The following TJP1 variants were observed in gnomAD, a reference collection of about 807,000 sequenced individuals.
TJP1 encodes tight junction protein 1.
TJP1 carries 43 observed loss-of-function variants against 194.2 expected under a neutral mutation model. That is an observed-to-expected ratio of 0.22 (90% CI 0.17 to 0.29). TJP1 has a LOEUF of 0.29. TJP1 is among the 10% of genes least tolerant of loss of function. The pLI, the probability that TJP1 is intolerant of heterozygous loss-of-function variation, is 1.00. For missense variants in TJP1, 1,971 were observed against 2,185.7 expected (o/e 0.90, Z 1.96); for synonymous variants, 801 against 779.0 (o/e 1.03, Z -0.47).
chr15:29,830,630 T>TA (rs2050809181), intron 2 of TJP1, among the ~76,000 whole-genome samples: 1 of 151,674 alleles, frequency 6.6e-6, no homozygotes. Context: ...AAGTATAAAA[T>TA]AAAAAAAGTT....
In TJP1 at chr15:29,701,546, A is replaced by G. The variant is rs1362235525; in HGVS notation, c.*49T>C. The G allele has an allele frequency of 4.1e-6, 6 of 1,476,344 alleles. No individual in the cohort carries two copies. The highest frequency in any genetic ancestry group is 5.7e-6 in the Non-Finnish European group (6 of 1,057,312). The allele number at this position is 1,476,344 out of a possible 1,614,324, so 91.5% of individuals were successfully genotyped here. ...TACTTGATAGAGTGGTTCCATTTAG[A>G]TTAAGTTTAATCCAGTTTCACATTA... On this transcript the variant is annotated 3_prime_UTR_variant, in exon 28 of 28. Coordinates refer to ENST00000614355, the MANE Select transcript of TJP1 (RefSeq NM_001330239.4).
At chr15:29,720,245 GATTA>G in intron 19 of TJP1, 109 bp downstream of exon 19, 1 of 1,162,388 alleles carries the variant, frequency 8.6e-7, no homozygotes. Flanking sequence ...TGAAATTGAA[GATTA>G]ATTCTTAATC....
chr15:29,909,371 G>T (rs913885875), intron 2 of TJP1, among the ~76,000 whole-genome samples: 47 of 147,494 alleles, frequency 3.2e-4, no homozygotes, highest in Non-Finnish European at 6.1e-4. Context: ...GCTCACCAGA[G>T]AAAATGGTTC....
chr15:29,939,152 C>T (rs182212240), intron 2 of TJP1, among the ~76,000 whole-genome samples: 12 of 152,284 alleles, frequency 7.9e-5, no homozygotes, highest in East Asian at 3.9e-4. Context: ...TTCCCTCCCA[C>T]GGATGCAGCA....
At chr15:29,934,266 T>C (rs2054813800) in intron 2 of TJP1, among the ~76,000 whole-genome samples, 1 of 152,224 alleles carries the variant, frequency 6.6e-6, no homozygotes, top group African/African-American at 2.4e-5. Flanking sequence ...CAATAAATAT[T>C]GGTTCATGCT....
intron 21 of TJP1, 59 bp from the exon 22 acceptor site, chr15:29,718,177 G>A: frequency 2.6e-6 from 4 of 1,550,858 alleles, no homozygotes; most frequent in Non-Finnish European, 3.5e-6. Context: ...ATAATTAACA[G>A]AATAGATATC....
intron 23 of TJP1, among the ~76,000 whole-genome samples, chr15:29,715,692 G>A (rs937533868): frequency 2.0e-5 from 3 of 152,134 alleles, no homozygotes; most frequent in Non-Finnish European, 2.9e-5. Flanking sequence ...TCAGTTGAGG[G>A]GAGATGGTCT....
At chr15:29,802,355 C>T (rs1166752201) in intron 1 of TJP1, among the ~76,000 whole-genome samples, 1 of 152,084 alleles carries the variant, frequency 6.6e-6, no homozygotes, top group Non-Finnish European at 1.5e-5. Context: ...AGATTAATGC[C>T]ATTTTAGAAA....
chr15:29,916,522 A>G (rs1215113936), intron 2 of TJP1, among the ~76,000 whole-genome samples: 2 of 152,176 alleles, frequency 1.3e-5, no homozygotes, highest in African/African-American at 4.8e-5. Flanking sequence ...TATTAAAATT[A>G]CATTTACTTC....
Position 29,741,451 on chromosome 15 carries a change from A to AG in TJP1, c.1151-16_1151-15insC. ...AGGCTTTGGTTCTAAGAAAAAAAAA[A>AG]TTGAGTAGGACTCACTTTAGAAAAA... On this transcript the variant is annotated splice_polypyrimidine_tract_variant and intron_variant, in intron 9 of 27. Coordinates refer to ENST00000614355, the MANE Select transcript of TJP1 (RefSeq NM_001330239.4). 6.4e-7 allele frequency: 1 copy of AG among 1,560,854 alleles called. No individual in the cohort carries two copies. The highest frequency in any genetic ancestry group is 8.8e-7 in the Non-Finnish European group (1 of 1,135,974).
chr15:29,753,822 G>GAAAAAAA (rs59926060), intron 8 of TJP1, among the ~76,000 whole-genome samples: 3 of 68,344 alleles, frequency 4.4e-5, no homozygotes, highest in African/African-American at 5.4e-5. Flanking sequence ...AAGGGAAACA[G>GAAAAAAA]AAAAAAAAAA....
At position 29,784,813 on chromosome 15, in the gene TJP1, C is replaced by T. The variant is rs77583271; in HGVS notation, c.85-11456G>A. ...ACTTATTTATAACACCAAGATTAAACGAGGATTAAAGGGTTAAATGATGTA... is the reference window on the plus strand; with the variant it reads ...ACTTATTTATAACACCAAGATTAAATGAGGATTAAAGGGTTAAATGATGTA... On this transcript the variant is annotated intron_variant, in intron 2 of 27. Coordinates refer to ENST00000614355, the MANE Select transcript of TJP1 (RefSeq NM_001330239.4). 1.8e-3 allele frequency among the ~76,000 whole-genome samples: 267 copies of T among 151,852 alleles called. 4 individuals are homozygous for T. The East Asian group carries it at 0.041, about 23-fold the overall frequency.
chr15:29,802,310 C>T (rs2048841360), intron 1 of TJP1, among the ~76,000 whole-genome samples: 1 of 152,028 alleles, frequency 6.6e-6, no homozygotes, highest in Non-Finnish European at 1.5e-5. Context: ...GTGCCATGGG[C>T]CCATTCTCTC....
rs927198251 is a variant in TJP1 at position 29,701,327 on chromosome 15, T to C, written c.*268A>G. ...AATATGTGAAGTTAAGCAGTGACGA[T>C]AAAAAAATTACAAAAATCACAAAGC... On this transcript the variant is annotated 3_prime_UTR_variant, in exon 28 of 28. Coordinates refer to ENST00000614355, the MANE Select transcript of TJP1 (RefSeq NM_001330239.4). 1 of 353,860 alleles carries C rather than the reference T, an allele frequency of 2.8e-6. No individual in the cohort carries two copies. Among genetic ancestry groups the C allele is most frequent in the African/African-American group, 2.0e-5 (1 of 49,194 alleles). 21.9% of individuals were successfully genotyped at this position (353,860 alleles called of 1,614,324 possible). A position where few individuals can be genotyped will look rare whatever the true frequency, so the allele number is the denominator to read the frequency against.
At chr15:29,838,758 A>G (rs896981292) in intron 2 of TJP1, among the ~76,000 whole-genome samples, 4 of 152,020 alleles carry the variant, frequency 2.6e-5, no homozygotes, top group Admixed American at 2.0e-4. Flanking sequence ...TACTCCTTAC[A>G]GCCTACACCC....
chr15:29,737,638 A>ATTTAAAT (rs1377801425), intron 10 of TJP1, among the ~76,000 whole-genome samples: 11 of 152,230 alleles, frequency 7.2e-5, no homozygotes, highest in African/African-American at 2.4e-4. Flanking sequence ...TTAATATGCA[A>ATTTAAAT]GTACTATTTT....
intron 2 of TJP1, among the ~76,000 whole-genome samples, chr15:29,930,617 TATCATACTTACTGATGAGACATTAGAAGC>T (rs1264397688): frequency 2.1e-5 from 2 of 93,708 alleles, no homozygotes; most frequent in African/African-American, 7.6e-5. Flanking sequence ...ATACAGCAAA[TATCATACTTACTGATGAGACATTAGAAGC>T]AGTCCCTTTA....
At chr15:29,752,958 T>C (rs1039666898) in intron 8 of TJP1, among the ~76,000 whole-genome samples, 9 of 152,070 alleles carry the variant, frequency 5.9e-5, no homozygotes, top group Non-Finnish European at 1.0e-4. Context: ...AGAATGACCT[T>C]CACCTGCCAG....
intron 2 of TJP1, among the ~76,000 whole-genome samples, chr15:29,936,947 C>G (rs1168197180): frequency 6.6e-6 from 1 of 152,152 alleles, no homozygotes; most frequent in African/African-American, 2.4e-5. Flanking sequence ...ATTTCCTTCT[C>G]CAACCAATTT....
Sources: gnomAD v4.1 joint callset for allele counts (sites outside exome capture counted in the v4.1 genomes callset) on GRCh38, gnomAD v4.1.1 for gene constraint, MANE v1.5 for transcripts, NCBI Gene and HGNC (gene_info 2026-07-23, HGNC 2026-07-21) for gene names.